FNDC1: variants seen among roughly 807,000 people sequenced by gnomAD.
FNDC1 encodes fibronectin type III domain containing 1.
In FNDC1, 96 loss-of-function variants were observed where a neutral mutation model predicts 168.0. The observed-to-expected ratio is 0.57, with a 90% CI of 0.48 to 0.68. The LOEUF (loss-of-function observed/expected upper bound fraction) is 0.68, where lower values mean the gene tolerates loss of function less well. Among genes scored for constraint, FNDC1 ranks in the 30% least tolerant of loss-of-function variants. FNDC1 has a pLI of 0.00. For missense variants in FNDC1, 2,587 were observed against 2,482.1 expected, an observed-to-expected ratio of 1.04 and a Z score of -0.90; for synonymous variants, 1,099 against 1,025.9, an observed-to-expected ratio of 1.07 and a Z score of -1.36.
intron 1 of FNDC1, among the ~76,000 whole-genome samples, chr6:159,179,397 T>C (rs1781835734): frequency 6.6e-6 from 1 of 152,338 alleles, no homozygotes; most frequent in African/African-American, 2.4e-5. Context: ...AGGCGGAGGC[T>C]GCAGTGAGCC....
chr6:159,221,290 C>T (rs1480747787), intron 5 of FNDC1, among the ~76,000 whole-genome samples: 2 of 152,130 alleles, frequency 1.3e-5, no homozygotes, highest in African/African-American at 4.8e-5. Flanking sequence ...AAGCATTTAT[C>T]TCTTTTTGAT....
At position 159,262,844 on chromosome 6, in the gene FNDC1, G is replaced by T. The variant is rs368941446; in HGVS notation, c.5254+1575G>T. On this transcript the variant is annotated intron_variant, in intron 19 of 22. Coordinates refer to ENST00000297267, the MANE Select transcript of FNDC1 (RefSeq NM_032532.3). ...TCTCTCCAGGAAACACTTTCAATGA[G>T]CTCCCAGAGGAGCCTCACACACATG... Among the ~76,000 whole-genome samples, 178 of 152,292 alleles carry T rather than the reference G, an allele frequency of 1.2e-3. 4 individuals carry two copies. Among genetic ancestry groups the T allele is most frequent in the African/African-American group, 4.2e-3 (174 of 41,554 alleles).
At chr6:159,212,091 G>A (rs1019223966) in intron 4 of FNDC1, among the ~76,000 whole-genome samples, 4 of 152,222 alleles carry the variant, frequency 2.6e-5, no homozygotes, top group African/African-American at 9.6e-5. Context: ...AATCTGGATG[G>A]TAATTGTTTC....
intron 5 of FNDC1, among the ~76,000 whole-genome samples, chr6:159,216,544 T>C (rs1782713403): frequency 6.6e-6 from 1 of 152,188 alleles, no homozygotes; most frequent in Non-Finnish European, 1.5e-5. Flanking sequence ...TGATGCTTCC[T>C]GCTTGTGGAG....
chr6:159,233,386 G>A lies in FNDC1; in HGVS notation c.2874G>A (p.Ala958=). Residue 958 remains alanine (A), a synonymous_variant, in exon 11 of 23, where the codon GCG becomes GCA. Transcript: ENST00000297267. This position sits in a 1 kb window ranked among gnomAD's most constrained non-coding sequence, Gnocchi z 4.6. Reference sequence around the variant, plus strand: ...AGGATGTTCAACAGAGCACAGACGCGGACACGGAGGGTCATTCTCCCAAAG... The same window carrying A: ...AGGATGTTCAACAGAGCACAGACGCAGACACGGAGGGTCATTCTCCCAAAG... ...KAQDVQQSTD[A]DTEGHSPKAQ... is the part of the protein sequence containing the mutation. 6.2e-7 allele frequency: 1 copy of A among 1,613,512 alleles called. No individual in the cohort carries two copies. The highest frequency in any genetic ancestry group is 8.5e-7 in the Non-Finnish European group (1 of 1,179,798).
At chr6:159,247,846 A>T (rs146601850) in intron 15 of FNDC1, among the ~76,000 whole-genome samples, 7 of 152,306 alleles carry the variant, frequency 4.6e-5, no homozygotes, top group Non-Finnish European at 1.0e-4. Flanking sequence ...TACACTTAGG[A>T]CCTTGTGATT....
intron 1 of FNDC1, among the ~76,000 whole-genome samples, chr6:159,173,154 G>A (rs1329941548): frequency 6.6e-6 from 1 of 152,206 alleles, no homozygotes; most frequent in African/African-American, 2.4e-5. Flanking sequence ...AAGAATAGAA[G>A]ATAATTCAGA....
chr6:159,270,226 G>A (rs927286750), intron 22 of FNDC1, among the ~76,000 whole-genome samples: 5 of 152,014 alleles, frequency 3.3e-5, no homozygotes, highest in Admixed American at 3.3e-4. Flanking sequence ...TGGTTTTGTG[G>A]CCCCACTGCA....
chr6:159,254,469 C>T (rs977076889), intron 17 of FNDC1, among the ~76,000 whole-genome samples: 1 of 152,146 alleles, frequency 6.6e-6, no homozygotes, highest in African/African-American at 2.4e-5. Flanking sequence ...ACTGGGATGT[C>T]TCCAGAGCAT....
chr6:159,232,418 C>A lies in FNDC1; in HGVS notation c.1906C>A (p.Pro636Thr). The change falls in exon 11 of 23, where the codon CCT (proline) becomes ACT (threonine). Residue 636 changes from proline (P) to threonine (T), a missense_variant. Physicochemically the swap from Pro to Thr is conservative, Grantham distance 38. Coordinates refer to ENST00000297267, the MANE Select transcript of FNDC1 (RefSeq NM_032532.3). The surrounding 1 kb of genome is among the most constrained non-coding windows in gnomAD (Gnocchi z 4.9). ...TQGTSHRPSL[P>T]ASLNDNDLVD... is the part of the protein sequence containing the mutation. ...GGGCACCTCTCATCGTCCTTCCCTG[C>A]CTGCCAGCTTGAATGACAACGACTT... is the stretch of plus-strand genomic sequence containing the variant. 6.2e-7 allele frequency: 1 copy of A among 1,612,042 alleles called. No individual in the cohort carries two copies. Among genetic ancestry groups the A allele is most frequent in the South Asian group, 1.1e-5 (1 of 90,944 alleles).
At chr6:159,229,246 C>T (rs910780821) in intron 9 of FNDC1, among the ~76,000 whole-genome samples, 1 of 152,190 alleles carries the variant, frequency 6.6e-6, no homozygotes, top group Admixed American at 6.5e-5. Flanking sequence ...AACTTTTCTT[C>T]ACAGCTCTAA....
In FNDC1 at chr6:159,266,553, T is replaced by C. The variant is rs1415705305; in HGVS notation, c.5446+308T>C. Among the ~76,000 whole-genome samples, 3 of 152,120 alleles carry C rather than the reference T, an allele frequency of 2.0e-5. No homozygotes were observed. The East Asian group carries it at 5.8e-4, about 29-fold the overall frequency. ...TGAGATCAGGAATTCAAGACCAGCT[T>C]GGCCAACATGGTGAAACCCATCTCT... On this transcript the variant is annotated intron_variant, in intron 21 of 22. Coordinates refer to ENST00000297267, the MANE Select transcript of FNDC1 (RefSeq NM_032532.3).
At chr6:159,265,947 AACAC>A (rs1777583470) in intron 20 of FNDC1, 133 bp from the exon 21 acceptor site, 20 of 863,712 alleles carry the variant, frequency 2.3e-5, no homozygotes, top group Admixed American at 7.0e-5. Context: ...AACAAACAAC[AACAC>A]AAACAAACAA....
rs1044937533 is a variant in FNDC1, at chr6:159,205,635, C to A, written c.460+5054C>A. ...GATTCAACAAGAGGCTTCTAGGTTCCTTTCTAAGAACTTTCTTAGGCTCCA... is the reference window on the plus strand; with the variant it reads ...GATTCAACAAGAGGCTTCTAGGTTCATTTCTAAGAACTTTCTTAGGCTCCA... On this transcript the variant is annotated intron_variant, in intron 4 of 22. Coordinates refer to ENST00000297267, the MANE Select transcript of FNDC1 (RefSeq NM_032532.3). Among the ~76,000 whole-genome samples, 6 of 152,172 alleles carry A rather than the reference C, an allele frequency of 3.9e-5. No homozygotes were observed. The South Asian group carries it at 1.2e-3, about 32-fold the overall frequency.
intron 4 of FNDC1, among the ~76,000 whole-genome samples, chr6:159,204,094 C>T (rs1383096908): frequency 1.3e-5 from 2 of 152,174 alleles, no homozygotes; most frequent in Non-Finnish European, 2.9e-5. Flanking sequence ...GCGACGCTTG[C>T]TCATTTTTTT....
intron 1 of FNDC1, among the ~76,000 whole-genome samples, chr6:159,183,543 A>G (rs1269691000): frequency 6.6e-6 from 1 of 152,264 alleles, no homozygotes; most frequent in African/African-American, 2.4e-5. Context: ...CTTTGCAGTC[A>G]TAGCACCAGG....
At chr6:159,248,940 G>A (rs1777195076) in intron 15 of FNDC1, 99 bp from the exon 16 acceptor site, 7 of 1,098,878 alleles carry the variant, frequency 6.4e-6, no homozygotes, top group Non-Finnish European at 7.6e-6. Context: ...TGTCTGTCTG[G>A]GTTTCAGCCT....
At chr6:159,189,413 C>T (rs1055285716) in intron 1 of FNDC1, among the ~76,000 whole-genome samples, 8 of 152,172 alleles carry the variant, frequency 5.3e-5, no homozygotes, top group East Asian at 3.8e-4. Context: ...TGGGGTCACA[C>T]GTCCATTACC....
At chr6:159,203,307 A>G (rs1253178023) in intron 4 of FNDC1, among the ~76,000 whole-genome samples, 1 of 152,198 alleles carries the variant, frequency 6.6e-6, no homozygotes, top group African/African-American at 2.4e-5. Flanking sequence ...GAATAAGCAG[A>G]TGGGAGTGAC....
Sources: gnomAD v4.1 joint callset for allele counts (sites outside exome capture counted in the v4.1 genomes callset) on GRCh38, gnomAD v4.1.1 for gene constraint, Gnocchi (gnomAD v3.1) non-coding constraint, MANE v1.5 for transcripts, NCBI Gene and HGNC (gene_info 2026-07-23, HGNC 2026-07-21) for gene names.